EPB41L2: variants seen among roughly 807,000 people sequenced by gnomAD.
EPB41L2 encodes the protein band 4.1-like protein 2.
A neutral mutation model predicts 113.0 loss-of-function variants in EPB41L2; 43 were observed. The ratio of observed to expected loss-of-function variants is 0.38; its 90% confidence interval spans 0.30 to 0.49. The LOEUF (loss-of-function observed/expected upper bound fraction) is 0.49. Among genes scored for constraint, EPB41L2 ranks in the 20% least tolerant of loss-of-function variants. The probability of loss-of-function intolerance (pLI) is 0.95; values close to 1 mark genes in which losing one functional copy is unlikely to be tolerated. For synonymous variants in EPB41L2, 442 were observed against 436.7 expected (o/e 1.01, Z -0.15); for missense variants, 1,147 against 1,223.4 (o/e 0.94, Z 0.93).
intron 3 of EPB41L2, among the ~76,000 whole-genome samples, chr6:130,947,789 T>C (rs945124047): frequency 1.3e-5 from 2 of 152,126 alleles, no homozygotes; most frequent in African/African-American, 2.4e-5. Flanking sequence ...AAACTAATGA[T>C]ACTAAGCAAG....
rs60215702 is a variant in EPB41L2 at position 130,994,800 on chromosome 6, G to C, written c.-14-38301C>G. On this transcript the variant is annotated intron_variant, in intron 1 of 19. Coordinates refer to ENST00000337057, the MANE Select transcript of EPB41L2 (RefSeq NM_001431.4). ...ATTGCTTAGGGCAAACCTGACTCCCGTTCTTTTTAAAGTCACGCCTCTGCT... is the reference window on the plus strand; with the variant it reads ...ATTGCTTAGGGCAAACCTGACTCCCCTTCTTTTTAAAGTCACGCCTCTGCT... 0.012 allele frequency among the ~76,000 whole-genome samples: 1,778 copies of C among 152,190 alleles called. 192 individuals are homozygous for C. The East Asian group carries it at 0.27, about 23-fold the overall frequency.
chr6:130,875,919 A>T (rs1582965117), intron 14 of EPB41L2, among the ~76,000 whole-genome samples: 1 of 148,978 alleles, frequency 6.7e-6, no homozygotes, highest in African/African-American at 2.5e-5. Flanking sequence ...CAGGAGATGG[A>T]GGTTGCAGTG....
chr6:130,942,805 T>C (rs1247104518), intron 3 of EPB41L2, among the ~76,000 whole-genome samples: 1 of 152,162 alleles, frequency 6.6e-6, no homozygotes, highest in Non-Finnish European at 1.5e-5. Context: ...TCTGTGTCCA[T>C]GTGTTCTCAT....
intron 1 of EPB41L2, among the ~76,000 whole-genome samples, chr6:131,031,517 T>C (rs983985673): frequency 6.6e-6 from 1 of 152,174 alleles, no homozygotes; most frequent in Non-Finnish European, 1.5e-5. Context: ...ATTTTACTAA[T>C]AATAAATTAA....
intron 1 of EPB41L2, among the ~76,000 whole-genome samples, chr6:131,014,571 A>C (rs1465051018): frequency 6.6e-6 from 1 of 152,194 alleles, no homozygotes; most frequent in Non-Finnish European, 1.5e-5. Context: ...AAAAAGAAAA[A>C]TCAGCACAAT....
At chr6:130,987,987 A>G (rs946349) in intron 1 of EPB41L2, among the ~76,000 whole-genome samples, 22,495 of 151,654 alleles carry the variant, frequency 0.15, 1,871 homozygotes, top group African/African-American at 0.2. Flanking sequence ...TTGGTGGTAC[A>G]TGCCTGTGGT....
chr6:130,890,278 T>C lies in EPB41L2; in HGVS notation c.1660+16A>G. The C allele has an allele frequency of 1.3e-6, 2 of 1,591,038 alleles. No homozygotes were observed. The highest frequency in any genetic ancestry group is 1.7e-6 in the Non-Finnish European group (2 of 1,169,982). Reference sequence around the variant, plus strand: ...GAAAGATGAATGAAAATCAAAATTATCATAAATGTGTTTACCTCCATCTAG... The same window carrying C: ...GAAAGATGAATGAAAATCAAAATTACCATAAATGTGTTTACCTCCATCTAG... On this transcript the variant is annotated intron_variant, in intron 11 of 19. Coordinates refer to ENST00000337057, the MANE Select transcript of EPB41L2 (RefSeq NM_001431.4).
intron 16 of EPB41L2, among the ~76,000 whole-genome samples, chr6:130,866,899 TATGA>T (rs1344311675): frequency 6.6e-6 from 1 of 152,156 alleles, no homozygotes; most frequent in African/African-American, 2.4e-5. Flanking sequence ...ACCATTCACA[TATGA>T]ATGACTACAT....
chr6:131,008,534 G>C (rs1307289007), intron 1 of EPB41L2, among the ~76,000 whole-genome samples: 1 of 152,250 alleles, frequency 6.6e-6, no homozygotes, highest in African/African-American at 2.4e-5. Flanking sequence ...GAAGCTGTGA[G>C]AAGACAGCCA....
At chr6:130,870,827 A>G (rs1450916722) in intron 14 of EPB41L2, among the ~76,000 whole-genome samples, 1 of 152,184 alleles carries the variant, frequency 6.6e-6, no homozygotes, top group Non-Finnish European at 1.5e-5. Flanking sequence ...TCTTTAAAAA[A>G]AAAAAAAAAG....
intron 1 of EPB41L2, among the ~76,000 whole-genome samples, chr6:130,987,259 G>A (rs1022972099): frequency 6.6e-6 from 1 of 152,162 alleles, no homozygotes; most frequent in Non-Finnish European, 1.5e-5. Flanking sequence ...AGAACTGCTG[G>A]ATCGAATAAT....
At chr6:130,925,593 T>C (rs1804460109) in intron 4 of EPB41L2, among the ~76,000 whole-genome samples, 1 of 152,202 alleles carries the variant, frequency 6.6e-6, no homozygotes, top group African/African-American at 2.4e-5. Context: ...GATTATATTA[T>C]ATGCTCCTAT....
At chr6:130,978,914 G>A (rs1344211239) in intron 1 of EPB41L2, 1 of 152,132 alleles carries the variant, frequency 6.6e-6, no homozygotes, top group Admixed American at 6.5e-5. Context: ...TTATAAGTGG[G>A]TAGAAGCACA....
chr6:130,951,281 G>C (rs1433656300), intron 3 of EPB41L2, among the ~76,000 whole-genome samples: 2 of 136,144 alleles, frequency 1.5e-5, no homozygotes, highest in East Asian at 4.4e-4. Flanking sequence ...AGGGGGGGAG[G>C]GGAGGAGAAA....
chr6:130,884,551 C>T (rs1224924207), intron 12 of EPB41L2, among the ~76,000 whole-genome samples: 1 of 152,172 alleles, frequency 6.6e-6, no homozygotes, highest in East Asian at 1.9e-4. Context: ...CATTTGAGAA[C>T]ACAATATGGG....
intron 1 of EPB41L2, among the ~76,000 whole-genome samples, chr6:131,027,453 T>TC (rs57203224): frequency 0.016 from 2,465 of 152,222 alleles, 65 homozygotes; most frequent in African/African-American, 0.056. Flanking sequence ...CTGTTATAGC[T>TC]CCCCCTGGAA....
rs1296844481 is a variant in EPB41L2 at position 130,935,289 on chromosome 6, CAT to C, written c.706-8582_706-8581del. Among the ~76,000 whole-genome samples, 15 of 152,306 alleles carry C rather than the reference CAT, an allele frequency of 9.8e-5. 2 individuals carry two copies. In the South Asian group the frequency reaches 2.7e-3, roughly 27 times the overall value. On this transcript the variant is annotated intron_variant, in intron 3 of 19. Coordinates refer to ENST00000337057, the MANE Select transcript of EPB41L2 (RefSeq NM_001431.4). ...CACAGGTTCACCTTTAATAAAATCA[CAT>C]AGATACTTTGACTCCTTACTTGCCC... is the stretch of plus-strand genomic sequence containing the variant.
Position 130,895,082 on chromosome 6 carries a change from G to C in EPB41L2, c.1274C>G (p.Ala425Gly). 2 of 1,613,460 alleles carry C rather than the reference G, an allele frequency of 1.2e-6. No homozygotes were observed. Among genetic ancestry groups the C allele is most frequent in the Non-Finnish European group, 1.7e-6 (2 of 1,179,610 alleles). The change falls in exon 9 of 20, where the codon GCT (alanine) becomes GGT (glycine). Residue 425 changes from alanine (A) to glycine (G), a missense_variant. Transcript: ENST00000337057. ...GTCTTTGTAAATGAGAAGTCCATTA[G>C]CACACACGCCCAGCTTGATGTCCAC... Reference protein sequence around the residue: ...EGVDIKLGVCANGLLIYKDRL... With the variant: ...EGVDIKLGVCGNGLLIYKDRL...
At chr6:130,972,937 C>CAAAAAAAAAAAAAAAAAAAAAAAAAA (rs57293132) in intron 1 of EPB41L2, among the ~76,000 whole-genome samples, 11 of 59,514 alleles carry the variant, frequency 1.8e-4, no homozygotes, top group East Asian at 1.2e-3. Flanking sequence ...ACTAAAGATA[C>CAAAAAAAAAAAAAAAAAAAAAAAAAA]AAAAAAAAAA....
Sources: allele counts gnomAD v4.1 joint callset (sites outside exome capture counted in the v4.1 genomes callset), GRCh38; gene constraint gnomAD v4.1.1; transcripts MANE v1.5; gene names NCBI Gene and HGNC (gene_info 2026-07-23, HGNC 2026-07-21).